EPB41L2: variants seen among roughly 807,000 people sequenced by gnomAD.
The protein encoded by EPB41L2 is erythrocyte membrane protein band 4.1 like 2.
In EPB41L2, 43 loss-of-function variants were observed where a neutral mutation model predicts 113.0. That is an observed-to-expected ratio of 0.38 (90% CI 0.30 to 0.49). The LOEUF is 0.49. Ranked by LOEUF, EPB41L2 falls within the 20% of genes least tolerant of loss-of-function variation. The pLI is 0.95. For missense variants in EPB41L2, 1,147 were observed against 1,223.4 expected, an observed-to-expected ratio of 0.94 and a Z score of 0.93; for synonymous variants, 442 against 436.7, an observed-to-expected ratio of 1.01 and a Z score of -0.15.
intron 1 of EPB41L2, among the ~76,000 whole-genome samples, chr6:130,965,819 T>C (rs1774992487): frequency 6.6e-6 from 1 of 152,144 alleles, no homozygotes; most frequent in African/African-American, 2.4e-5. Context: ...TCTCAAACAA[T>C]TGCTAGCAGA....
At chr6:130,909,317 A>G (rs1798641846) in intron 4 of EPB41L2, among the ~76,000 whole-genome samples, 1 of 151,668 alleles carries the variant, frequency 6.6e-6, no homozygotes. Context: ...AATTATCTCA[A>G]CTCCTAAAAC....
intron 5 of EPB41L2, among the ~76,000 whole-genome samples, chr6:130,907,881 C>T (rs1798187847): frequency 6.6e-6 from 1 of 152,124 alleles, no homozygotes; most frequent in African/African-American, 2.4e-5. Flanking sequence ...GTACAAAGGG[C>T]ATCTTGCATG....
chr6:130,876,600 T>C lies in EPB41L2; in HGVS notation c.2043+1504A>G, dbSNP rs1002882439. The C allele has an allele frequency of 3.2e-6, 3 of 940,230 alleles. No homozygotes were observed. In the East Asian group the frequency reaches 1.9e-4, roughly 59 times the overall value. 58.2% of individuals were successfully genotyped at this position (940,230 alleles called of 1,614,324 possible). ...AGTATGACACACAGGAAAAAAGAAA[T>C]CTTATGGCTGTGGATAGAAACAAAA... is the stretch of plus-strand genomic sequence containing the variant. On this transcript the variant is annotated intron_variant, in intron 14 of 19. Transcript: ENST00000337057.
chr6:131,011,915 A>G (rs1787089194), intron 1 of EPB41L2, among the ~76,000 whole-genome samples: 1 of 152,128 alleles, frequency 6.6e-6, no homozygotes, highest in Non-Finnish European at 1.5e-5. Flanking sequence ...AGAAGAGAAC[A>G]ACTTTCCAGG....
intron 14 of EPB41L2, among the ~76,000 whole-genome samples, chr6:130,874,872 T>G (rs1397561761): frequency 2.6e-5 from 4 of 152,226 alleles, no homozygotes; most frequent in Non-Finnish European, 5.9e-5. Context: ...AGTTTCCTAC[T>G]GCAAAAATCC....
Position 130,895,134 on chromosome 6 carries a change from C to G in EPB41L2, c.1237-15G>C. The G allele has an allele frequency of 6.3e-7, 1 of 1,594,460 alleles. No homozygotes were observed. On this transcript the variant is annotated splice_polypyrimidine_tract_variant and intron_variant, in intron 8 of 19. Coordinates refer to ENST00000337057, the MANE Select transcript of EPB41L2 (RefSeq NM_001431.4). ...CCTTCTGAGTCCTGCCAAGCATAAC[C>G]CAATTAACCATGGTTAAGAGCTGTG...
At chr6:130,867,316 G>T in intron 16 of EPB41L2, 143 bp downstream of exon 16, 1 of 1,052,884 alleles carries the variant, frequency 9.5e-7, no homozygotes, top group Non-Finnish European at 1.4e-6. Flanking sequence ...AGCAAATTAT[G>T]TTGTTGAAGT....
At chr6:130,844,782 C>G (rs1776490395) in intron 19 of EPB41L2, among the ~76,000 whole-genome samples, 1 of 152,174 alleles carries the variant, frequency 6.6e-6, no homozygotes, top group Non-Finnish European at 1.5e-5. Context: ...GTGGTTCACT[C>G]CTGTAATCCC....
intron 8 of EPB41L2, among the ~76,000 whole-genome samples, chr6:130,896,048 A>G (rs1342930602): frequency 2.0e-5 from 3 of 152,228 alleles, no homozygotes; most frequent in Admixed American, 6.5e-5. Context: ...ATCACAAACA[A>G]TACGAAACAA....
At chr6:130,850,202 C>T (rs958633356) in intron 19 of EPB41L2, among the ~76,000 whole-genome samples, 1 of 152,186 alleles carries the variant, frequency 6.6e-6, no homozygotes, top group Admixed American at 6.5e-5. Flanking sequence ...CGTGCCACTG[C>T]ACTCCAGTCT....
At chr6:131,036,622 C>G (rs1793366002) in intron 1 of EPB41L2, among the ~76,000 whole-genome samples, 1 of 152,104 alleles carries the variant, frequency 6.6e-6, no homozygotes, top group Admixed American at 6.5e-5. Flanking sequence ...GAAAAGTCCC[C>G]TAAAGTCTCT....
intron 1 of EPB41L2, among the ~76,000 whole-genome samples, chr6:130,994,820 T>C (rs1214031572): frequency 6.6e-6 from 1 of 151,560 alleles, no homozygotes; most frequent in Non-Finnish European, 1.5e-5. Flanking sequence ...AAGTCACGCC[T>C]CTGCTCACTG....
intron 3 of EPB41L2, among the ~76,000 whole-genome samples, chr6:130,930,497 A>G (rs1397827967): frequency 6.6e-6 from 1 of 152,220 alleles, no homozygotes; most frequent in Non-Finnish European, 1.5e-5. Context: ...TTGAAATACA[A>G]AATATTTCTG....
Position 130,885,035 on chromosome 6 carries a change from A to G in EPB41L2, c.1833+61T>C. Reference sequence around the variant, plus strand: ...ACTTGATTTCTGAAACAGAAAATACAACAGATACCCTCTAGGTTAAGTAAA... The same window carrying G: ...ACTTGATTTCTGAAACAGAAAATACGACAGATACCCTCTAGGTTAAGTAAA... On this transcript the variant is annotated intron_variant, in intron 12 of 19. Transcript: ENST00000337057. The G allele has an allele frequency of 1.9e-6, 3 of 1,560,652 alleles. No individual in the cohort carries two copies. The South Asian group carries it at 3.4e-5, about 18-fold the overall frequency.
chr6:130,884,525 A>G (rs901510467), intron 12 of EPB41L2, among the ~76,000 whole-genome samples: 2 of 152,212 alleles, frequency 1.3e-5, no homozygotes, highest in African/African-American at 4.8e-5. Flanking sequence ...CAAGGTAACA[A>G]AAGATAACAG....
At chr6:131,007,980 AG>A (rs1193389356) in intron 1 of EPB41L2, among the ~76,000 whole-genome samples, 3 of 152,264 alleles carry the variant, frequency 2.0e-5, no homozygotes, top group Non-Finnish European at 2.9e-5. Flanking sequence ...GCAATAAAAA[AG>A]AAAAACCAAT....
At chr6:130,871,653 C>T (rs771552830) in intron 14 of EPB41L2, among the ~76,000 whole-genome samples, 3 of 152,150 alleles carry the variant, frequency 2.0e-5, no homozygotes, top group Non-Finnish European at 4.4e-5. Context: ...GTTTCATTGA[C>T]CCAAATTAAT....
At chr6:131,059,263 T>C (rs1798217358) in intron 1 of EPB41L2, among the ~76,000 whole-genome samples, 1 of 152,010 alleles carries the variant, frequency 6.6e-6, no homozygotes. Flanking sequence ...TACAGATGCC[T>C]GCCACCACGC....
At chr6:130,930,614 A>G (rs1349186558) in intron 3 of EPB41L2, among the ~76,000 whole-genome samples, 1 of 152,212 alleles carries the variant, frequency 6.6e-6, no homozygotes, top group Non-Finnish European at 1.5e-5. Context: ...ATGCCAAAAG[A>G]TAATCCAGTT....
Sources: allele counts gnomAD v4.1 joint callset (sites outside exome capture counted in the v4.1 genomes callset), GRCh38; gene constraint gnomAD v4.1.1; transcripts MANE v1.5; gene names NCBI Gene and HGNC (gene_info 2026-07-23, HGNC 2026-07-21).